ADCY2: variants seen among roughly 807,000 people sequenced by gnomAD.
ADCY2 encodes the protein adenylate cyclase type 2.
A neutral mutation model predicts 125.2 loss-of-function variants in ADCY2; 31 were observed. The observed-to-expected ratio is 0.25, with a 90% CI of 0.19 to 0.33. ADCY2 has a LOEUF of 0.33. Among genes scored for constraint, ADCY2 ranks in the 10% least tolerant of loss-of-function variants. The pLI, the probability that ADCY2 is intolerant of heterozygous loss-of-function variation, is 1.00. For missense variants in ADCY2, 904 were observed against 1,418.2 expected (o/e 0.64, Z 5.82); for synonymous variants, 512 against 548.4 (o/e 0.93, Z 0.93).
intron 12 of ADCY2, among the ~76,000 whole-genome samples, chr5:7,718,797 T>C (rs1293984572): frequency 6.6e-6 from 1 of 152,096 alleles, no homozygotes; most frequent in Non-Finnish European, 1.5e-5. Context: ...AACTGTCACA[T>C]ACTGAGAAAT....
At chr5:7,618,539 C>G (rs993367537) in intron 3 of ADCY2, among the ~76,000 whole-genome samples, 17 of 152,168 alleles carry the variant, frequency 1.1e-4, no homozygotes, top group African/African-American at 3.9e-4. Context: ...AAGTCAGACT[C>G]TCTAATAGCC....
intron 2 of ADCY2, among the ~76,000 whole-genome samples, chr5:7,479,310 C>T (rs2126469699): frequency 6.6e-6 from 1 of 151,014 alleles, no homozygotes; most frequent in African/African-American, 2.5e-5. Flanking sequence ...GTGCTGGGAT[C>T]ATAACGTTAT....
intron 4 of ADCY2, among the ~76,000 whole-genome samples, chr5:7,670,321 G>A (rs540848784): frequency 2.6e-5 from 4 of 152,090 alleles, no homozygotes; most frequent in Non-Finnish European, 5.9e-5. Flanking sequence ...GTGATAGCCC[G>A]AGCCGATGGG....
At position 7,556,004 on chromosome 5, in the gene ADCY2, T is replaced by A. The variant is rs576786394; in HGVS notation, c.570+35105T>A. ...GGTAGCCACTAGACAAATGTGGCTA[T>A]TTAAAATTAAATTTAAGATAAAAAT... is the stretch of plus-strand genomic sequence containing the variant. On this transcript the variant is annotated intron_variant, in intron 3 of 24. Coordinates refer to ENST00000338316, the MANE Select transcript of ADCY2 (RefSeq NM_020546.3). 2.0e-5 allele frequency among the ~76,000 whole-genome samples: 3 copies of A among 152,186 alleles called. No homozygotes were observed. In the South Asian group the frequency reaches 6.3e-4, roughly 32 times the overall value.
chr5:7,525,487 C>T (rs2126538714), intron 3 of ADCY2, among the ~76,000 whole-genome samples: 1 of 152,224 alleles, frequency 6.6e-6, no homozygotes, highest in East Asian at 1.9e-4. Flanking sequence ...CTAAAATCAA[C>T]CCTCTCTGAT....
intron 3 of ADCY2, among the ~76,000 whole-genome samples, chr5:7,608,009 G>C (rs1372813731): frequency 6.6e-6 from 1 of 152,210 alleles, no homozygotes; most frequent in Non-Finnish European, 1.5e-5. Flanking sequence ...GAGCTCTGAA[G>C]TATGATCCTA....
At chr5:7,556,155 A>G (rs1213445094) in intron 3 of ADCY2, among the ~76,000 whole-genome samples, 2 of 152,142 alleles carry the variant, frequency 1.3e-5, no homozygotes, top group Non-Finnish European at 2.9e-5. Context: ...GGTAATTCCC[A>G]CTATTTCAAT....
chr5:7,595,818 C>T (rs1001162781), intron 3 of ADCY2, among the ~76,000 whole-genome samples: 21 of 152,090 alleles, frequency 1.4e-4, no homozygotes, highest in African/African-American at 4.8e-4. Context: ...AATGTAAATG[C>T]CATGTAAATA....
chr5:7,760,897 TC>T (rs1391405290), intron 16 of ADCY2, among the ~76,000 whole-genome samples: 1 of 152,106 alleles, frequency 6.6e-6, no homozygotes, highest in Non-Finnish European at 1.5e-5. Flanking sequence ...GACCTACATC[TC>T]CCCATTTCCT....
intron 15 of ADCY2, among the ~76,000 whole-genome samples, chr5:7,756,471 T>G (rs923731241): frequency 6.6e-5 from 10 of 152,090 alleles, no homozygotes; most frequent in African/African-American, 2.2e-4. Context: ...AAAGTATAGA[T>G]CCATACAATG....
At chr5:7,470,394 G>T (rs1742290311) in intron 2 of ADCY2, among the ~76,000 whole-genome samples, 1 of 151,102 alleles carries the variant, frequency 6.6e-6, no homozygotes, top group African/African-American at 2.4e-5. Flanking sequence ...AGCTCTTTTA[G>T]AATTATTTTT....
rs1168076253 is a variant in ADCY2, at chr5:7,501,126, T to TTC, written c.409-19611_409-19610insCT. On this transcript the variant is annotated intron_variant, in intron 2 of 24. Coordinates refer to ENST00000338316, the MANE Select transcript of ADCY2 (RefSeq NM_020546.3). Reference sequence around the variant, plus strand: ...ACAGCTACAATTTAAATAAAAGCTTTTTTTTAAAAAAAAAAAAAAAGGTCT... The same window carrying TTC: ...ACAGCTACAATTTAAATAAAAGCTTTTCTTTTTAAAAAAAAAAAAAAAGGTCT... Among the ~76,000 whole-genome samples the TTC allele has an allele frequency of 4.7e-5, 7 of 148,276 alleles. No homozygotes were observed. In the East Asian group the frequency reaches 1.3e-3, roughly 29 times the overall value.
rs1741379056 is a variant in ADCY2 at position 7,709,708 on chromosome 5, A to G, written c.1578+321A>G. ...TTAAGAAAAACTTCTATCATGAAGT[A>G]GAAAGCCTTGAGGTTCTTAATAAAA... On this transcript the variant is annotated intron_variant, in intron 10 of 24. Transcript: ENST00000338316. This position sits in a 1 kb window ranked among gnomAD's most constrained non-coding sequence, Gnocchi z 4.4. 6.6e-6 allele frequency among the ~76,000 whole-genome samples: 1 copy of G among 152,262 alleles called. No homozygotes were observed. The highest frequency in any genetic ancestry group is 1.5e-5 in the Non-Finnish European group (1 of 68,044).
chr5:7,651,695 G>A (rs1358789359), intron 4 of ADCY2, among the ~76,000 whole-genome samples: 2 of 152,106 alleles, frequency 1.3e-5, no homozygotes, highest in Non-Finnish European at 2.9e-5. Context: ...ACACACCCGG[G>A]AGCAACACTT....
rs70940756 is a variant in ADCY2 at position 7,723,920 on chromosome 5, CAAAAAAAAAAA to C, written c.1704-611_1704-601del. 9.3e-5 allele frequency among the ~76,000 whole-genome samples: 5 copies of C among 53,728 alleles called. No individual in the cohort carries two copies. The Admixed American group carries it at 1.2e-3, about 13-fold the overall frequency. 35.2% of individuals were successfully genotyped at this position (53,728 alleles called of 152,430 possible). A position where few individuals can be genotyped will look rare whatever the true frequency, so the allele number is the denominator to read the frequency against. The stretch of plus-strand genomic sequence containing the variant: ...TGGGTGACAGAGTGAGACTCAGTCT[CAAAAAAAAAAA>C]AAAAAAAAAAAAAGAGAAAAGAAAA... On this transcript the variant is annotated intron_variant, in intron 12 of 24. Coordinates refer to ENST00000338316, the MANE Select transcript of ADCY2 (RefSeq NM_020546.3).
chr5:7,508,352 A>G (rs1743925963), intron 2 of ADCY2, among the ~76,000 whole-genome samples: 1 of 152,118 alleles, frequency 6.6e-6, no homozygotes, highest in African/African-American at 2.4e-5. Context: ...TTTATTTCAT[A>G]TTTCACACCC....
chr5:7,589,510 G>GAAAGAAAGAAAGAAAGAA (rs1162031729), intron 3 of ADCY2, among the ~76,000 whole-genome samples: 7 of 88,048 alleles, frequency 8.0e-5, no homozygotes, highest in Non-Finnish European at 1.3e-4. Flanking sequence ...AAGAAAGAAA[G>GAAAGAAAGAAAGAAAGAA]AAAAGAAAAG....
chr5:7,667,557 A>G (rs979868695), intron 4 of ADCY2, among the ~76,000 whole-genome samples: 4 of 152,166 alleles, frequency 2.6e-5, no homozygotes, highest in Admixed American at 2.0e-4. Flanking sequence ...ACATGTCAAG[A>G]CTTGTTCAGG....
At chr5:7,769,348 TA>T (rs1283877425) in intron 17 of ADCY2, among the ~76,000 whole-genome samples, 1 of 152,106 alleles carries the variant, frequency 6.6e-6, no homozygotes, top group Non-Finnish European at 1.5e-5. Context: ...TAAGACATTG[TA>T]AAAAAATTAA....
Sources: allele counts gnomAD v4.1 joint callset (sites outside exome capture counted in the v4.1 genomes callset), GRCh38; gene constraint gnomAD v4.1.1; non-coding constraint Gnocchi (gnomAD v3.1); transcripts MANE v1.5; gene names NCBI Gene and HGNC (gene_info 2026-07-23, HGNC 2026-07-21).